The following PITPNC1 variants were observed in gnomAD, a reference collection of about 807,000 sequenced individuals.
PITPNC1 encodes the protein phosphatidylinositol transfer protein cytoplasmic 1.
A neutral mutation model predicts 44.7 loss-of-function variants in PITPNC1; 18 were observed. The observed-to-expected ratio is 0.40, with a 90% CI of 0.28 to 0.60. The LOEUF (loss-of-function observed/expected upper bound fraction) is 0.60, where lower values mean the gene tolerates loss of function less well. Ranked by LOEUF, PITPNC1 falls within the 20% of genes least tolerant of loss-of-function variation. The pLI, the probability that PITPNC1 is intolerant of heterozygous loss-of-function variation, is 0.39. For missense variants in PITPNC1, 290 were observed against 418.4 expected (o/e 0.69, Z 2.68); for synonymous variants, 141 against 149.6 (o/e 0.94, Z 0.42).
At chr17:67,675,632 A>C (rs1393458650) in intron 8 of PITPNC1, 90 bp downstream of exon 8, 3 of 854,258 alleles carry the variant, frequency 3.5e-6, no homozygotes, top group Non-Finnish European at 4.1e-6. Context: ...ACCTAGAAGG[A>C]CAACAACAAA....
Position 67,515,861 on chromosome 17 carries a change from C to T in PITPNC1, c.49-16941C>T, listed in dbSNP as rs189103845. ...TTTCCTTTTCATGAAATAACTGTCACATCAGCTGTCAGCTGCAGGAATCTC... is the reference window on the plus strand; with the variant it reads ...TTTCCTTTTCATGAAATAACTGTCATATCAGCTGTCAGCTGCAGGAATCTC... On this transcript the variant is annotated intron_variant, in intron 1 of 8. Transcript: ENST00000581322. Among the ~76,000 whole-genome samples the T allele has an allele frequency of 2.1e-4, 32 of 152,366 alleles. No individual in the cohort carries two copies. The East Asian group carries it at 5.2e-3, about 25-fold the overall frequency.
intron 1 of PITPNC1, among the ~76,000 whole-genome samples, chr17:67,433,149 G>T (rs1281390185): frequency 1.3e-5 from 2 of 152,174 alleles, no homozygotes; most frequent in Non-Finnish European, 2.9e-5. Context: ...CCATTTGATT[G>T]TGACTTACGT....
intron 1 of PITPNC1, among the ~76,000 whole-genome samples, chr17:67,403,218 C>CAAAAAAAAAAA (rs34768084): frequency 0.013 from 909 of 68,920 alleles, 163 homozygotes; most frequent in African/African-American, 0.021. Flanking sequence ...CTCATCTCTA[C>CAAAAAAAAAAA]AAAAAAAAAA....
At chr17:67,476,317 G>T (rs1198694577) in intron 1 of PITPNC1, among the ~76,000 whole-genome samples, 3 of 151,954 alleles carry the variant, frequency 2.0e-5, no homozygotes, top group Non-Finnish European at 2.9e-5. Context: ...CTCCTGAGGA[G>T]CTGGGATTAC....
intron 6 of PITPNC1, among the ~76,000 whole-genome samples, chr17:67,659,494 A>G (rs2144382628): frequency 1.3e-5 from 2 of 152,226 alleles, no homozygotes; most frequent in South Asian, 4.2e-4. Context: ...TACATTGTGG[A>G]GGGTTCCGGT....
intron 5 of PITPNC1, among the ~76,000 whole-genome samples, chr17:67,600,170 T>A (rs867454088): frequency 2.2e-4 from 33 of 152,260 alleles, no homozygotes; most frequent in Admixed American, 2.0e-4. Flanking sequence ...GCCTGGGCCA[T>A]GGCTTACAGT....
intron 2 of PITPNC1, among the ~76,000 whole-genome samples, chr17:67,537,747 C>T (rs1309638301): frequency 4.6e-5 from 7 of 151,816 alleles, no homozygotes; most frequent in Middle Eastern, 3.4e-3. Context: ...TCGAGGTGGG[C>T]GATCATGAGG....
intron 1 of PITPNC1, among the ~76,000 whole-genome samples, chr17:67,520,920 C>T (rs985653131): frequency 8.5e-5 from 13 of 152,172 alleles, no homozygotes; most frequent in African/African-American, 2.7e-4. Context: ...GTTATCATCT[C>T]GGCTTTTCAA....
Position 67,399,529 on chromosome 17 carries a change from G to A in PITPNC1, c.48+21327G>A, listed in dbSNP as rs1259501381. ...CATTTTGAACTCGAATAAGAAAATC[G>A]CTTGAATTTGCTTTTTGTCTAACAT... On this transcript the variant is annotated intron_variant, in intron 1 of 8. Coordinates refer to ENST00000581322, the MANE Select transcript of PITPNC1 (RefSeq NM_012417.4). 3.3e-5 allele frequency among the ~76,000 whole-genome samples: 5 copies of A among 152,086 alleles called. No homozygotes were observed. In the South Asian group the frequency reaches 6.2e-4, roughly 19 times the overall value.
intron 2 of PITPNC1, among the ~76,000 whole-genome samples, chr17:67,538,192 G>A (rs1284324572): frequency 6.6e-6 from 1 of 152,096 alleles, no homozygotes; most frequent in African/African-American, 2.4e-5. Context: ...GTATTTAATA[G>A]AGCTGGCATA....
At chr17:67,454,085 T>A (rs1156567562) in intron 1 of PITPNC1, among the ~76,000 whole-genome samples, 1 of 152,086 alleles carries the variant, frequency 6.6e-6, no homozygotes, top group Non-Finnish European at 1.5e-5. Flanking sequence ...ACCCCGTCTC[T>A]ACTAAAAATA....
At chr17:67,575,346 A>G (rs1467271070) in intron 4 of PITPNC1, among the ~76,000 whole-genome samples, 3 of 152,108 alleles carry the variant, frequency 2.0e-5, no homozygotes, top group Non-Finnish European at 4.4e-5. Flanking sequence ...GGCAGCGGTT[A>G]TGGAGTGAGA....
At chr17:67,656,831 T>C (rs1179133880) in intron 6 of PITPNC1, among the ~76,000 whole-genome samples, 1 of 152,204 alleles carries the variant, frequency 6.6e-6, no homozygotes, top group Non-Finnish European at 1.5e-5. Flanking sequence ...TCTGTTCTTT[T>C]ATAAAGAATA....
chr17:67,577,386 G>A (rs1021895794), intron 4 of PITPNC1, among the ~76,000 whole-genome samples: 5 of 152,076 alleles, frequency 3.3e-5, no homozygotes, highest in East Asian at 1.9e-4. Flanking sequence ...TCAGGAGTTC[G>A]AGACCAGCCT....
In PITPNC1 at chr17:67,447,089, CAAAAAAAAAAAAAA is replaced by C. The variant is rs749024248; in HGVS notation, c.48+68901_48+68914del. Among the ~76,000 whole-genome samples the C allele has an allele frequency of 2.0e-4, 7 of 35,326 alleles. No individual in the cohort carries two copies. The Admixed American group carries it at 3.3e-3, about 17-fold the overall frequency. The allele number at this position is 35,326 out of a possible 152,430, so 23.2% of individuals were successfully genotyped here. On this transcript the variant is annotated intron_variant, in intron 1 of 8. Transcript: ENST00000581322. Reference sequence around the variant, plus strand: ...TGGGCCATAGAGTGAGACTCTGTCTCAAAAAAAAAAAAAAAAAAAAAAAAAAAGAATGACCCTAG... The same window carrying C: ...TGGGCCATAGAGTGAGACTCTGTCTCAAAAAAAAAAAAAGAATGACCCTAG...
chr17:67,659,057 G>T (rs1163673720), intron 6 of PITPNC1, among the ~76,000 whole-genome samples: 1 of 152,148 alleles, frequency 6.6e-6, no homozygotes, highest in Non-Finnish European at 1.5e-5. Flanking sequence ...AAATTTCCTT[G>T]TTTTCAGCTT....
chr17:67,542,653 T>C (rs1230041575), intron 2 of PITPNC1, among the ~76,000 whole-genome samples: 1 of 152,164 alleles, frequency 6.6e-6, no homozygotes, highest in Non-Finnish European at 1.5e-5. Flanking sequence ...AACTAAGATG[T>C]TCCCAGTGCC....
intron 1 of PITPNC1, among the ~76,000 whole-genome samples, chr17:67,494,762 AG>A (rs2144053312): frequency 6.6e-6 from 1 of 152,106 alleles, no homozygotes; most frequent in Non-Finnish European, 1.5e-5. Flanking sequence ...GCTTGAGTCC[AG>A]GAGTTCAAGA....
intron 1 of PITPNC1, among the ~76,000 whole-genome samples, chr17:67,484,137 C>T (rs551599225): frequency 2.0e-5 from 3 of 152,064 alleles, no homozygotes; most frequent in African/African-American, 7.2e-5. Flanking sequence ...AGGCTGGTCT[C>T]GAACTCCCCA....
Sources: gnomAD v4.1 joint callset for allele counts (sites outside exome capture counted in the v4.1 genomes callset) on GRCh38, gnomAD v4.1.1 for gene constraint, MANE v1.5 for transcripts, NCBI Gene and HGNC (gene_info 2026-07-23, HGNC 2026-07-21) for gene names.